Variants in CABLES1 observed in about 807,000 individuals in gnomAD.
CABLES1 encodes the protein CDK5 and ABL1 enzyme substrate 1.
A neutral mutation model predicts 57.8 loss-of-function variants in CABLES1; 36 were observed. That is an observed-to-expected ratio of 0.62 (90% confidence interval 0.48 to 0.82). CABLES1 has a LOEUF of 0.82. Ranked by LOEUF, CABLES1 falls within the 40% of genes least tolerant of loss-of-function variation. The pLI, the probability that CABLES1 is intolerant of heterozygous loss-of-function variation, is 0.00. For synonymous variants in CABLES1, 374 were observed against 363.0 expected, an observed-to-expected ratio of 1.03 and a Z score of -0.35; for missense variants, 767 against 836.6, an observed-to-expected ratio of 0.92 and a Z score of 1.03.
At chr18:23,219,354 T>C (rs1196315820) in intron 4 of CABLES1, 1 of 453,338 alleles carries the variant, frequency 2.2e-6, no homozygotes, top group African/African-American at 2.0e-5. Flanking sequence ...GAGGAAGGAG[T>C]TGGGTGAATT....
At chr18:23,225,960 C>T (rs2047524585) in intron 4 of CABLES1, among the ~76,000 whole-genome samples, 1 of 152,220 alleles carries the variant, frequency 6.6e-6, no homozygotes, top group Non-Finnish European at 1.5e-5. Context: ...AGTGGGAAAC[C>T]TGGGCCCTGC....
At chr18:23,198,664 A>G (rs1263462692) in intron 3 of CABLES1, among the ~76,000 whole-genome samples, 4 of 152,220 alleles carry the variant, frequency 2.6e-5, no homozygotes, top group African/African-American at 9.6e-5. Flanking sequence ...ATGCAATAGG[A>G]GAAAGACTCC....
chr18:23,155,708 C>A, intron 1 of CABLES1: 1 of 867,562 alleles, frequency 1.2e-6, no homozygotes, highest in Non-Finnish European at 1.7e-6. Flanking sequence ...GTGGTCTCCA[C>A]GTGGCAGGAT....
At chr18:23,204,329 T>G (rs1427648169) in intron 3 of CABLES1, 1 of 152,164 alleles carries the variant, frequency 6.6e-6, no homozygotes, top group Non-Finnish European at 1.5e-5. Flanking sequence ...GCATGAGGCT[T>G]TTGAGATAAA....
chr18:23,220,355 C>G (rs979117609), intron 4 of CABLES1, among the ~76,000 whole-genome samples: 1 of 152,208 alleles, frequency 6.6e-6, no homozygotes, highest in South Asian at 2.1e-4. Context: ...TCACTCGTTT[C>G]ATCTGCCCAA....
At chr18:23,237,113 TCATTTTG>T in intron 6 of CABLES1, 22 bp from the exon 7 acceptor site, 1 of 1,345,338 alleles carries the variant, frequency 7.4e-7, no homozygotes, top group Non-Finnish European at 1.1e-6. Flanking sequence ...CCGCTAATTA[TCATTTTG>T]CATTTTGCAT....
intron 1 of CABLES1, among the ~76,000 whole-genome samples, chr18:23,144,137 C>T (rs968704334): frequency 1.3e-5 from 2 of 152,240 alleles, no homozygotes; most frequent in South Asian, 2.1e-4. Flanking sequence ...TCCCCATGCT[C>T]GTACACGCTC....
chr18:23,208,111 G>A (rs907175128), intron 3 of CABLES1, among the ~76,000 whole-genome samples: 1 of 152,076 alleles, frequency 6.6e-6, no homozygotes, highest in South Asian at 2.1e-4. Context: ...GCACTTTCAG[G>A]CTCCTTGTTC....
At chr18:23,143,190 C>A (rs1351335543) in intron 1 of CABLES1, among the ~76,000 whole-genome samples, 2 of 152,192 alleles carry the variant, frequency 1.3e-5, no homozygotes, top group African/African-American at 4.8e-5. Context: ...CTAGGGAAGA[C>A]CTCTGTGCAT....
intron 1 of CABLES1, among the ~76,000 whole-genome samples, chr18:23,175,141 T>G (rs1341319850): frequency 6.6e-6 from 1 of 152,158 alleles, no homozygotes; most frequent in Non-Finnish European, 1.5e-5. Context: ...ATTCTGAGAT[T>G]GACCTTAGAC....
chr18:23,183,457 G>A (rs1170391131), intron 1 of CABLES1, among the ~76,000 whole-genome samples: 2 of 152,226 alleles, frequency 1.3e-5, no homozygotes, highest in African/African-American at 4.8e-5. Context: ...CATGGATTAT[G>A]ACTTCCTTGC....
At chr18:23,194,218 T>G (rs1210134970) in intron 2 of CABLES1, among the ~76,000 whole-genome samples, 1 of 152,242 alleles carries the variant, frequency 6.6e-6, no homozygotes, top group African/African-American at 2.4e-5. Flanking sequence ...GTTGGCTTTT[T>G]AGAGACCCAT....
chr18:23,136,534 C>G lies in CABLES1; in HGVS notation c.772C>G (p.Gln258Glu). ...CATCGCCTTCTCCAGGCCGACTTCG[C>G]AGAACTACTGCTCCCTGGAGCAGCC... Reference protein sequence around the residue: ...LPIAFSRPTSQNYCSLEQPGQ... With the variant: ...LPIAFSRPTSENYCSLEQPGQ... The change falls in exon 1 of 10, where the codon CAG becomes GAG. Residue 258 changes from glutamine (Q) to glutamate (E), a missense_variant. Coordinates refer to ENST00000256925, the MANE Select transcript of CABLES1 (RefSeq NM_001100619.3). The G allele has an allele frequency of 6.3e-7, 1 of 1,584,410 alleles. No homozygotes were observed. Among genetic ancestry groups the G allele is most frequent in the East Asian group, 2.4e-5 (1 of 42,220 alleles).
chr18:23,200,408 C>T (rs560189969), intron 3 of CABLES1, among the ~76,000 whole-genome samples: 191 of 152,072 alleles, frequency 1.3e-3, no homozygotes, highest in South Asian at 4.0e-3. Flanking sequence ...TACAGGCACC[C>T]GCCACCATGC....
chr18:23,167,198 G>A (rs138397846), intron 1 of CABLES1, among the ~76,000 whole-genome samples: 5 of 152,052 alleles, frequency 3.3e-5, no homozygotes, highest in African/African-American at 1.2e-4. Context: ...TTTCAATTCT[G>A]CATCTTTTTT....
intron 7 of CABLES1, among the ~76,000 whole-genome samples, chr18:23,252,080 C>T (rs564935636): frequency 1.9e-4 from 28 of 147,030 alleles, no homozygotes; most frequent in South Asian, 1.3e-3. Context: ...AGTGAGACTC[C>T]GTCTCAAAAA....
chr18:23,252,256 A>T (rs558646734), intron 7 of CABLES1, among the ~76,000 whole-genome samples: 1 of 152,188 alleles, frequency 6.6e-6, no homozygotes, highest in Non-Finnish European at 1.5e-5. Context: ...GAGTGTTTCA[A>T]TTGGGAAGAT....
chr18:23,212,596 C>T (rs1300156465), intron 3 of CABLES1, among the ~76,000 whole-genome samples: 2 of 152,128 alleles, frequency 1.3e-5, no homozygotes, highest in African/African-American at 4.8e-5. Flanking sequence ...TGCTCTGAGG[C>T]CCACACTGCA....
chr18:23,213,181 G>A (rs868809168), intron 3 of CABLES1, among the ~76,000 whole-genome samples: 6 of 152,130 alleles, frequency 3.9e-5, no homozygotes, highest in South Asian at 4.2e-4. Context: ...TATGGTTGTC[G>A]AAAGAAAGGA....
Sources: gnomAD v4.1 joint callset for allele counts (sites outside exome capture counted in the v4.1 genomes callset) on GRCh38, gnomAD v4.1.1 for gene constraint, MANE v1.5 for transcripts, NCBI Gene and HGNC (gene_info 2026-07-23, HGNC 2026-07-21) for gene names.